VPS13B: variants seen among roughly 807,000 people sequenced by gnomAD.
The protein encoded by VPS13B is intermembrane lipid transfer protein VPS13B.
In VPS13B, 285 loss-of-function variants were observed where a neutral mutation model predicts 426.4. That is an observed-to-expected ratio of 0.67 (90% CI 0.61 to 0.74). VPS13B has a LOEUF of 0.74. Among genes scored for constraint, VPS13B ranks in the 30% least tolerant of loss-of-function variants. The probability of loss-of-function intolerance (pLI) is 0.00; values close to 1 mark genes in which losing one functional copy is unlikely to be tolerated. For missense variants in VPS13B, 4,537 were observed against 4,782.6 expected (o/e 0.95, Z 1.51); for synonymous variants, 1,676 against 1,676.4 (o/e 1.00, Z 0.01).
chr8:99,215,564 T>C (rs1261762259), intron 17 of VPS13B, among the ~76,000 whole-genome samples: 1 of 152,198 alleles, frequency 6.6e-6, no homozygotes, highest in Non-Finnish European at 1.5e-5. Flanking sequence ...AGGTTGAGTC[T>C]GGAGAAACTC....
At chr8:99,049,209 C>A (rs142732949) in intron 3 of VPS13B, among the ~76,000 whole-genome samples, 1 of 151,580 alleles carries the variant, frequency 6.6e-6, no homozygotes, top group Non-Finnish European at 1.5e-5. Context: ...TATTTGTTGC[C>A]TGTATACCTT....
chr8:99,355,587 C>T (rs1812138879), intron 19 of VPS13B, among the ~76,000 whole-genome samples: 1 of 152,144 alleles, frequency 6.6e-6, no homozygotes, highest in South Asian at 2.1e-4. Context: ...GAGACTCCAT[C>T]TCAAAAAGAA....
intron 17 of VPS13B, among the ~76,000 whole-genome samples, chr8:99,257,699 TTA>T (rs1274930265): frequency 1.3e-5 from 2 of 152,200 alleles, no homozygotes; most frequent in Non-Finnish European, 2.9e-5. Flanking sequence ...CTGATTTCTC[TTA>T]TTGTGTTTAT....
chr8:99,254,522 T>C (rs1817655290), intron 17 of VPS13B, among the ~76,000 whole-genome samples: 1 of 151,952 alleles, frequency 6.6e-6, no homozygotes, highest in South Asian at 2.1e-4. Flanking sequence ...TTGAGTTTAC[T>C]CTGTTAGGGG....
chr8:99,743,963 A>G (rs935340648), intron 39 of VPS13B, among the ~76,000 whole-genome samples: 5 of 152,208 alleles, frequency 3.3e-5, no homozygotes, highest in African/African-American at 1.2e-4. Flanking sequence ...ACAAAAGCCA[A>G]AATTGACAAA....
chr8:99,527,013 AC>A (rs901768749), intron 30 of VPS13B, among the ~76,000 whole-genome samples: 2 of 152,118 alleles, frequency 1.3e-5, no homozygotes, highest in African/African-American at 4.8e-5. Context: ...TTTTTTACAA[AC>A]CTTTTAAACG....
intron 3 of VPS13B, among the ~76,000 whole-genome samples, chr8:99,089,071 T>A (rs1208111119): frequency 6.6e-6 from 1 of 152,194 alleles, no homozygotes; most frequent in Non-Finnish European, 1.5e-5. Flanking sequence ...TCAGTTCCCT[T>A]TTTCTCATAG....
At chr8:99,594,466 T>C (rs1196904674) in intron 33 of VPS13B, among the ~76,000 whole-genome samples, 1 of 152,044 alleles carries the variant, frequency 6.6e-6, no homozygotes, top group Non-Finnish European at 1.5e-5. Context: ...ATCATTGTCA[T>C]CTCATCTAGA....
At chr8:99,286,085 T>C (rs1341499611) in intron 19 of VPS13B, among the ~76,000 whole-genome samples, 1 of 152,298 alleles carries the variant, frequency 6.6e-6, no homozygotes, top group East Asian at 1.9e-4. Flanking sequence ...CATAGCACTT[T>C]TGCTGTATCA....
chr8:99,374,071 T>G lies in VPS13B; in HGVS notation c.2825-10137T>G, dbSNP rs149087864. Among the ~76,000 whole-genome samples the G allele has an allele frequency of 1.2e-4, 18 of 152,314 alleles. No individual in the cohort carries two copies. In the East Asian group the frequency reaches 2.7e-3, roughly 23 times the overall value. ...GGTATAGAAATCTAGGTTGAATTTT[T>G]TAACATTTAAAATATTCTATTATTT... On this transcript the variant is annotated intron_variant, in intron 19 of 61. Coordinates refer to ENST00000357162, the MANE Select transcript of VPS13B (RefSeq NM_152564.5).
chr8:99,674,053 G>T (rs1440352395), intron 35 of VPS13B, among the ~76,000 whole-genome samples: 1 of 152,010 alleles, frequency 6.6e-6, no homozygotes, highest in Non-Finnish European at 1.5e-5. Context: ...AGCAGAATGT[G>T]AATTCTGCAG....
chr8:99,109,019 G>A (rs1847202667), intron 5 of VPS13B, among the ~76,000 whole-genome samples: 1 of 151,994 alleles, frequency 6.6e-6, no homozygotes, highest in Admixed American at 6.6e-5. Context: ...CCAGGTTTTG[G>A]AAGTTTTCTC....
chr8:99,372,592 T>C (rs942564810), intron 19 of VPS13B, among the ~76,000 whole-genome samples: 14 of 152,194 alleles, frequency 9.2e-5, no homozygotes, highest in Admixed American at 9.2e-4. Context: ...ATTAGAGAAA[T>C]GCAAATCAAA....
chr8:99,424,258 G>C (rs1320848145), intron 21 of VPS13B: 1 of 150,560 alleles, frequency 6.6e-6, no homozygotes, highest in Non-Finnish European at 1.5e-5. Flanking sequence ...TTTTCCATTT[G>C]CTTGGTAGAT....
intron 29 of VPS13B, among the ~76,000 whole-genome samples, chr8:99,515,883 A>G (rs1204620143): frequency 2.0e-5 from 3 of 152,114 alleles, no homozygotes; most frequent in Admixed American, 1.3e-4. Context: ...CTTTTTAAGG[A>G]GTTGCTTATC....
chr8:99,417,238 A>G (rs1816071421), intron 21 of VPS13B, among the ~76,000 whole-genome samples: 1 of 152,052 alleles, frequency 6.6e-6, no homozygotes, highest in Admixed American at 6.5e-5. Context: ...TTTCTCCCCG[A>G]CTCCTTATAA....
Position 99,823,942 on chromosome 8 carries a change from A to C in VPS13B, c.9294A>C (p.Pro3098=). The C allele has an allele frequency of 6.2e-7, 1 of 1,613,294 alleles. No homozygotes were observed. Among genetic ancestry groups the C allele is most frequent in the Non-Finnish European group, 8.5e-7 (1 of 1,179,870 alleles). Residue 3098 remains proline, a synonymous_variant, in exon 51 of 62, where the codon CCA becomes CCC. Transcript: ENST00000357162. ...CACCATATCAAATATTTTATAAACC[A>C]CAGCTATCTGTCTGCAATCCCCATT... The part of the protein sequence containing the change: ...NNTPYQIFYK[P]QLSVCNPHSG...
At chr8:99,060,504 G>A (rs936668508) in intron 3 of VPS13B, among the ~76,000 whole-genome samples, 14 of 151,992 alleles carry the variant, frequency 9.2e-5, no homozygotes, top group Non-Finnish European at 1.5e-4. Flanking sequence ...AGCCACTCAG[G>A]AGGCTGAGGT....
intron 33 of VPS13B, among the ~76,000 whole-genome samples, chr8:99,603,534 A>G (rs1827423363): frequency 6.6e-6 from 1 of 152,202 alleles, no homozygotes; most frequent in Admixed American, 6.5e-5. Flanking sequence ...ACTGTAGTAC[A>G]GGAACAGTTG....
Sources: gnomAD v4.1 joint callset for allele counts (sites outside exome capture counted in the v4.1 genomes callset) on GRCh38, gnomAD v4.1.1 for gene constraint, MANE v1.5 for transcripts, NCBI Gene and HGNC (gene_info 2026-07-23, HGNC 2026-07-21) for gene names.